PCDHA11: variants seen among roughly 807,000 people sequenced by gnomAD.
The protein encoded by PCDHA11 is protocadherin alpha-11.
A neutral mutation model predicts 70.3 loss-of-function variants in PCDHA11; 61 were observed. The ratio of observed to expected loss-of-function variants is 0.87; its 90% CI spans 0.71 to 1.07. The LOEUF is 1.07. Ranked by LOEUF, PCDHA11 falls within the 50% of genes least tolerant of loss-of-function variation. The pLI, the probability that PCDHA11 is intolerant of heterozygous loss-of-function variation, is 0.00. For missense variants in PCDHA11, 1,324 were observed against 1,237.5 expected (o/e 1.07, Z -1.05); for synonymous variants, 633 against 555.1 (o/e 1.14, Z -1.97).
chr5:140,961,196 A>G (rs2095596614), intron 1 of PCDHA11, among the ~76,000 whole-genome samples: 2 of 152,150 alleles, frequency 1.3e-5, no homozygotes, highest in African/African-American at 4.8e-5. Context: ...GACCCTAGTG[A>G]GGTTGGTATT....
Position 140,937,138 on chromosome 5 carries a change from T to C in PCDHA11, c.2392-41811T>C, listed in dbSNP as rs368450201. On this transcript the variant is annotated intron_variant, in intron 1 of 3. Coordinates refer to ENST00000398640, the MANE Select transcript of PCDHA11 (RefSeq NM_018902.5). ...CTGCAAGCTCCGCCTCCCGGGTTCA[T>C]GCCATTCTCCTGCCTCAGCCTCCCG... is the stretch of plus-strand genomic sequence containing the variant. 1.7e-4 allele frequency among the ~76,000 whole-genome samples: 25 copies of C among 151,290 alleles called. 1 individual carries two copies. In the South Asian group the frequency reaches 2.7e-3, roughly 16 times the overall value.
At chr5:140,918,237 T>C (rs2078587640) in intron 1 of PCDHA11, among the ~76,000 whole-genome samples, 2 of 152,240 alleles carry the variant, frequency 1.3e-5, no homozygotes, top group Admixed American at 1.3e-4. Context: ...TGTACATTGA[T>C]TTTGTATGCT....
chr5:140,902,953 C>G (rs549407032), intron 1 of PCDHA11, among the ~76,000 whole-genome samples: 1 of 152,162 alleles, frequency 6.6e-6, no homozygotes, highest in East Asian at 1.9e-4. Context: ...TCTTTATCCA[C>G]TTGTTGGCTG....
chr5:140,869,469 G>A lies in PCDHA11; in HGVS notation c.366G>A (p.Glu122=), dbSNP rs781981842. The A allele has an allele frequency of 2.0e-5, 32 of 1,614,092 alleles. No individual in the cohort carries two copies. In the East Asian group the frequency reaches 5.1e-4, roughly 26 times the overall value. Residue 122 remains glutamate, a synonymous_variant, in exon 1 of 4, where the codon GAG becomes GAA. Coordinates refer to ENST00000398640, the MANE Select transcript of PCDHA11 (RefSeq NM_018902.5). Reference sequence around the variant, plus strand: ...TGCAGGTTTTCCATGTGAACGTGGAGGTGAAGGACATTAACGACAACCCGC... The same window carrying A: ...TGCAGGTTTTCCATGTGAACGTGGAAGTGAAGGACATTAACGACAACCCGC... ...RPLQVFHVNV[E]VKDINDNPPV...
At chr5:140,931,021 G>C (rs2153606770) in intron 1 of PCDHA11, among the ~76,000 whole-genome samples, 1 of 152,272 alleles carries the variant, frequency 6.6e-6, no homozygotes, top group Admixed American at 6.5e-5. Flanking sequence ...GGAATTTTCT[G>C]ATTGTAGAGC....
chr5:140,923,566 C>T lies in PCDHA11; in HGVS notation c.2391+52072C>T, dbSNP rs149499154. ...AAATGAAATATCAGCAATGAAAGGT[C>T]CTGCTAAAGAGAAGGTTTGTTAATT... On this transcript the variant is annotated intron_variant, in intron 1 of 3. Coordinates refer to ENST00000398640, the MANE Select transcript of PCDHA11 (RefSeq NM_018902.5). 8.1e-3 allele frequency among the ~76,000 whole-genome samples: 1,228 copies of T among 152,208 alleles called. 6 individuals carry two copies. The highest frequency in any genetic ancestry group is 0.019 in the African/African-American group (794 of 41,538).
At chr5:140,882,332 G>A (rs782439110) in intron 1 of PCDHA11, 1 of 1,614,178 alleles carries the variant, frequency 6.2e-7, no homozygotes, top group Non-Finnish European at 8.5e-7. Flanking sequence ...TCTGATCCTC[G>A]CAGCCTGGGA....
chr5:140,982,526 T>A lies in PCDHA11; in HGVS notation c.2502T>A (p.Pro834=). Residue 834 remains proline (P), a synonymous_variant, in exon 3 of 4, where the codon CCT becomes CCA. Coordinates refer to ENST00000398640, the MANE Select transcript of PCDHA11 (RefSeq NM_018902.5). ...TTCTACGGGCTGGTCCAGGAGGGCC[T>A]GATCAGCAGTGGCCAACAGTATCCA... ...AGILRAGPGG[P]DQQWPTVSSA... is the part of the protein sequence containing the mutation. 1.2e-6 allele frequency: 2 copies of A among 1,614,192 alleles called. No individual in the cohort carries two copies. Among genetic ancestry groups the A allele is most frequent in the Non-Finnish European group, 1.7e-6 (2 of 1,180,028 alleles).
chr5:140,975,127 T>C (rs1331047394), intron 1 of PCDHA11, among the ~76,000 whole-genome samples: 2 of 152,288 alleles, frequency 1.3e-5, no homozygotes, highest in East Asian at 1.9e-4. Flanking sequence ...CTACTTACTA[T>C]TGGCCTGGGG....
rs3776115 is a variant in PCDHA11 at position 140,970,956 on chromosome 5, G to A, written c.2392-7993G>A. Among the ~76,000 whole-genome samples, 119 of 152,278 alleles carry A rather than the reference G, an allele frequency of 7.8e-4. 3 individuals carry two copies. In the East Asian group the frequency reaches 0.019, roughly 25 times the overall value. On this transcript the variant is annotated intron_variant, in intron 1 of 3. Coordinates refer to ENST00000398640, the MANE Select transcript of PCDHA11 (RefSeq NM_018902.5). The stretch of plus-strand genomic sequence containing the variant: ...TAGTCAATGCTGAGAAACCATGGGA[G>A]GCAGATTGTAGATTAAGAAAAATGG...
chr5:140,876,456 TTCC>T, intron 1 of PCDHA11: 1 of 1,614,050 alleles, frequency 6.2e-7, no homozygotes, highest in Non-Finnish European at 8.5e-7. Flanking sequence ...AAGGGATTCC[TTCC>T]ATGGCAGGTC....
At position 141,010,091 on chromosome 5, in the gene PCDHA11, A is replaced by G; in HGVS notation, c.*154A>G. The G allele has an allele frequency of 6.2e-7, 1 of 1,612,860 alleles. No individual in the cohort carries two copies. The highest frequency in any genetic ancestry group is 8.5e-7 in the Non-Finnish European group (1 of 1,179,382). ...AGTTCCCTGTGTCTGTCTAGAACGCATTTAACAGGTTTTGTCGTAAAAGCT... is the reference window on the plus strand; with the variant it reads ...AGTTCCCTGTGTCTGTCTAGAACGCGTTTAACAGGTTTTGTCGTAAAAGCT... On this transcript the variant is annotated 3_prime_UTR_variant, in exon 4 of 4. Coordinates refer to ENST00000398640, the MANE Select transcript of PCDHA11 (RefSeq NM_018902.5).
chr5:140,946,936 A>T (rs1344601116), intron 1 of PCDHA11, among the ~76,000 whole-genome samples: 1 of 151,482 alleles, frequency 6.6e-6, no homozygotes, highest in Non-Finnish European at 1.5e-5. Context: ...AGTAGAGTGT[A>T]GTTAAGAATA....
chr5:141,007,325 C>T (rs1303133451), intron 3 of PCDHA11, among the ~76,000 whole-genome samples: 1 of 145,322 alleles, frequency 6.9e-6, no homozygotes, highest in Non-Finnish European at 1.5e-5. Flanking sequence ...CTAAAGTGGA[C>T]AGATTGCCTG....
intron 3 of PCDHA11, among the ~76,000 whole-genome samples, chr5:141,009,291 T>G (rs115348370): frequency 2.9e-3 from 436 of 152,228 alleles, no homozygotes; most frequent in African/African-American, 9.9e-3. Flanking sequence ...CCCATTTCTA[T>G]AAAATTTTTT....
intron 1 of PCDHA11, chr5:140,876,542 T>C (rs782388773): frequency 5.0e-6 from 8 of 1,614,194 alleles, no homozygotes; most frequent in Non-Finnish European, 5.9e-6. Flanking sequence ...TCACTGTCGC[T>C]CCCTGTGCAA....
chr5:140,998,826 AGTGCTGGATTACTG>A (rs1301277298), intron 3 of PCDHA11, among the ~76,000 whole-genome samples: 1 of 152,240 alleles, frequency 6.6e-6, no homozygotes, highest in Non-Finnish European at 1.5e-5. Flanking sequence ...GGCCTCCCAA[AGTGCTGGATTACTG>A]GTGTGAGCCA....
intron 1 of PCDHA11, among the ~76,000 whole-genome samples, chr5:140,956,602 G>T (rs541025327): frequency 2.6e-5 from 4 of 152,212 alleles, no homozygotes. Flanking sequence ...GATATCAGCT[G>T]GAAGTTTTCC....
chr5:140,873,262 G>T (rs1196053156), intron 1 of PCDHA11, among the ~76,000 whole-genome samples: 1 of 152,136 alleles, frequency 6.6e-6, no homozygotes, highest in Non-Finnish European at 1.5e-5. Context: ...ACTCAAAAGT[G>T]ATTAAACCAT....
Sources: gnomAD v4.1 joint callset for allele counts (sites outside exome capture counted in the v4.1 genomes callset) on GRCh38, gnomAD v4.1.1 for gene constraint, MANE v1.5 for transcripts, NCBI Gene and HGNC (gene_info 2026-07-23, HGNC 2026-07-21) for gene names.